The following TENM2 variants were observed in gnomAD, a reference collection of about 807,000 sequenced individuals.
TENM2 encodes teneurin transmembrane protein 2.
TENM2 carries 52 observed loss-of-function variants against 245.2 expected under a neutral mutation model. That is an observed-to-expected ratio of 0.21 (90% confidence interval 0.17 to 0.27). The LOEUF is 0.27. Among genes scored for constraint, TENM2 ranks in the 10% least tolerant of loss-of-function variants. The probability of loss-of-function intolerance (pLI) is 1.00; values close to 1 mark genes in which losing one functional copy is unlikely to be tolerated. For missense variants in TENM2, 3,046 were observed against 3,666.8 expected (o/e 0.83, Z 4.37); for synonymous variants, 1,363 against 1,438.9 (o/e 0.95, Z 1.19).
intron 2 of TENM2, among the ~76,000 whole-genome samples, chr5:167,594,147 T>G (rs985062345): frequency 6.6e-6 from 1 of 152,180 alleles, no homozygotes; most frequent in East Asian, 1.9e-4. Flanking sequence ...CTTAAATATG[T>G]CAGTGGATTG....
At chr5:167,621,077 G>T (rs1353695813) in intron 2 of TENM2, among the ~76,000 whole-genome samples, 1 of 152,030 alleles carries the variant, frequency 6.6e-6, no homozygotes, top group East Asian at 1.9e-4. Context: ...TTTATCCTTT[G>T]ATTTACTTAT....
intron 13 of TENM2, among the ~76,000 whole-genome samples, chr5:168,177,980 G>T (rs892581391): frequency 6.6e-6 from 1 of 152,224 alleles, no homozygotes; most frequent in Admixed American, 6.5e-5. Context: ...TCCACAGGAA[G>T]CTCGTAGAAT....
intron 2 of TENM2, among the ~76,000 whole-genome samples, chr5:167,749,241 A>G (rs1220765225): frequency 6.6e-6 from 1 of 152,176 alleles, no homozygotes; most frequent in Non-Finnish European, 1.5e-5. Flanking sequence ...GAACAGAGAG[A>G]TTAAATAAGA....
intron 2 of TENM2, among the ~76,000 whole-genome samples, chr5:167,523,972 G>A (rs919589540): frequency 6.6e-6 from 1 of 152,138 alleles, no homozygotes; most frequent in South Asian, 2.1e-4. Flanking sequence ...TGATCCTTGA[G>A]TATCTTGGAG....
intron 2 of TENM2, among the ~76,000 whole-genome samples, chr5:167,746,675 C>CAG (rs57973052): frequency 0.094 from 10,964 of 117,062 alleles, 642 homozygotes; most frequent in Middle Eastern, 0.17. Flanking sequence ...AAATTACCAA[C>CAG]AGAGAGAGAG....
At chr5:167,776,456 C>T (rs1477845962) in intron 2 of TENM2, among the ~76,000 whole-genome samples, 4 of 151,180 alleles carry the variant, frequency 2.6e-5, no homozygotes, top group South Asian at 2.1e-4. Context: ...ATTAGCTGAG[C>T]GTGGTGGCGT....
chr5:168,051,463 AT>A (rs200196069), intron 6 of TENM2, among the ~76,000 whole-genome samples: 2,022 of 152,304 alleles, frequency 0.013, 16 homozygotes, highest in Middle Eastern at 0.024. Context: ...TTTAAAAAAA[AT>A]AAAAAGTTTG....
At chr5:167,873,078 G>A (rs1183991580) in intron 2 of TENM2, among the ~76,000 whole-genome samples, 4 of 152,188 alleles carry the variant, frequency 2.6e-5, no homozygotes, top group Non-Finnish European at 4.4e-5. Flanking sequence ...CCAGAGCCTC[G>A]CTGCTAAGTG....
chr5:167,636,653 C>T (rs1561624506), intron 2 of TENM2, among the ~76,000 whole-genome samples: 1 of 152,162 alleles, frequency 6.6e-6, no homozygotes, highest in Non-Finnish European at 1.5e-5. Flanking sequence ...GCTTATTTTG[C>T]ACCACAGTCA....
At chr5:168,006,479 T>C (rs1317497776) in intron 5 of TENM2, among the ~76,000 whole-genome samples, 2 of 152,206 alleles carry the variant, frequency 1.3e-5, no homozygotes, top group African/African-American at 4.8e-5. Flanking sequence ...TGCCATGCTT[T>C]CACCATAGCC....
chr5:167,536,647 A>C (rs535509445), intron 2 of TENM2, among the ~76,000 whole-genome samples: 1 of 152,234 alleles, frequency 6.6e-6, no homozygotes, highest in East Asian at 1.9e-4. Context: ...CAGGCAACAA[A>C]CAGGTAGAAC....
intron 2 of TENM2, among the ~76,000 whole-genome samples, chr5:167,807,939 T>A (rs1159183775): frequency 6.6e-6 from 1 of 152,136 alleles, no homozygotes; most frequent in Non-Finnish European, 1.5e-5. Flanking sequence ...TCCCAGAAGA[T>A]TTGGAAACTA....
intron 2 of TENM2, among the ~76,000 whole-genome samples, chr5:167,583,086 T>G (rs1175567610): frequency 6.6e-6 from 1 of 152,208 alleles, no homozygotes; most frequent in African/African-American, 2.4e-5. Flanking sequence ...AATGACATAA[T>G]GTAGCCATGA....
At chr5:167,182,821 C>T in the TENM2 span, among the ~76,000 whole-genome samples, 12 of 152,200 alleles carry the variant, frequency 7.9e-5, no homozygotes, top group Admixed American at 7.2e-4. Flanking sequence ...ATAATAACCT[C>T]GTGCTCTTTT....
At chr5:167,878,782 AT>A (rs1441266591) in intron 3 of TENM2, among the ~76,000 whole-genome samples, 3 of 152,060 alleles carry the variant, frequency 2.0e-5, no homozygotes, top group Non-Finnish European at 1.5e-5. Flanking sequence ...AAGGGGCTGA[AT>A]TTTTCAGGAG....
At chr5:167,593,368 C>T (rs981670982) in intron 2 of TENM2, among the ~76,000 whole-genome samples, 1 of 152,214 alleles carries the variant, frequency 6.6e-6, no homozygotes, top group Admixed American at 6.5e-5. Context: ...CCATGTTCTG[C>T]CCTCTTTTGT....
intron 2 of TENM2, among the ~76,000 whole-genome samples, chr5:167,770,198 C>A (rs1348341816): frequency 6.6e-6 from 1 of 152,126 alleles, no homozygotes; most frequent in Non-Finnish European, 1.5e-5. Flanking sequence ...AGAATCCATT[C>A]AAAGGATTGG....
chr5:167,975,702 CACAA>C (rs1376546559), intron 4 of TENM2, among the ~76,000 whole-genome samples: 4 of 151,956 alleles, frequency 2.6e-5, no homozygotes, highest in Admixed American at 6.6e-5. Context: ...ATGGCTATTA[CACAA>C]ACAAAGAAAT....
chr5:168,035,988 CA>C (rs1787629458), intron 5 of TENM2, among the ~76,000 whole-genome samples: 1 of 152,090 alleles, frequency 6.6e-6, no homozygotes, highest in Admixed American at 6.5e-5. Flanking sequence ...GCAATGAAAA[CA>C]AATTGGGGAA....
Sources: gnomAD v4.1 joint callset for allele counts (sites outside exome capture counted in the v4.1 genomes callset) on GRCh38, gnomAD v4.1.1 for gene constraint, MANE v1.5 for transcripts, NCBI Gene and HGNC (gene_info 2026-07-23, HGNC 2026-07-21) for gene names.